The following TTC7A variants were observed in gnomAD, a reference collection of about 807,000 sequenced individuals.
TTC7A encodes tetratricopeptide repeat domain 7A, also known as tetratricopeptide repeat protein 7A.
TTC7A carries 110 observed loss-of-function variants against 103.7 expected under a neutral mutation model. The ratio of observed to expected loss-of-function variants is 1.06; its 90% confidence interval spans 0.91 to 1.24. The LOEUF is 1.24. Ranked by LOEUF, TTC7A falls within the 50% of genes most tolerant of loss-of-function variation. The pLI is 0.00. For missense variants in TTC7A, 1,340 were observed against 1,116.3 expected (o/e 1.20, Z -2.86); for synonymous variants, 521 against 467.9 (o/e 1.11, Z -1.47).
At position 47,051,896 on chromosome 2, in the gene TTC7A, C is replaced by T; in HGVS notation, c.2152+16C>T. 2 of 1,598,624 alleles carry T rather than the reference C, an allele frequency of 1.3e-6. No individual in the cohort carries two copies. The highest frequency in any genetic ancestry group is 1.7e-6 in the Non-Finnish European group (2 of 1,172,048). The stretch of plus-strand genomic sequence containing the variant: ...CTGCAGGCTGGTGAGTGCCCTGGTC[C>T]CAGTGACACACACAGCCTGTCTGCA... On this transcript the variant is annotated intron_variant, in intron 18 of 19. Transcript: ENST00000319190.
intron 3 of TTC7A, among the ~76,000 whole-genome samples, chr2:46,972,140 T>G (rs1673420072): frequency 6.6e-6 from 1 of 152,140 alleles, no homozygotes; most frequent in South Asian, 2.1e-4. Context: ...ATGTCTTTTC[T>G]CTGCATGGAT....
At position 47,007,770 on chromosome 2, in the gene TTC7A, A is replaced by T. The variant is rs990651291; in HGVS notation, c.1287+1046A>T. Among the ~76,000 whole-genome samples the T allele has an allele frequency of 6.6e-6, 1 of 152,144 alleles. No homozygotes were observed. Among genetic ancestry groups the T allele is most frequent in the African/African-American group, 2.4e-5 (1 of 41,436 alleles). On this transcript the variant is annotated intron_variant, in intron 10 of 19. Coordinates refer to ENST00000319190, the MANE Select transcript of TTC7A (RefSeq NM_020458.4). The surrounding 1 kb of genome is among the most constrained non-coding windows in gnomAD (Gnocchi z 4.9). ...CCTTCCCTACCCCCATCTGCTGGGC[A>T]TGTGTCTTTCCAAACCTCTCTCCTC...
chr2:46,949,127 G>A (rs927373705), intron 1 of TTC7A, among the ~76,000 whole-genome samples: 4 of 152,178 alleles, frequency 2.6e-5, no homozygotes, highest in African/African-American at 7.2e-5. Flanking sequence ...CTGAACACCC[G>A]GCTCCCATGC....
chr2:47,059,846 C>T (rs964370730), intron 18 of TTC7A, among the ~76,000 whole-genome samples: 1 of 152,094 alleles, frequency 6.6e-6, no homozygotes, highest in Non-Finnish European at 1.5e-5. Flanking sequence ...AGTTTTTGCC[C>T]CTCTAAAGTG....
intron 11 of TTC7A, among the ~76,000 whole-genome samples, chr2:47,017,028 A>G (rs1558581806): frequency 1.3e-5 from 2 of 151,780 alleles, no homozygotes; most frequent in African/African-American, 2.4e-5. Context: ...GTGAAACCCC[A>G]TCTCTACTAA....
intron 5 of TTC7A, among the ~76,000 whole-genome samples, chr2:46,986,612 A>G (rs1675039167): frequency 6.6e-6 from 1 of 152,078 alleles, no homozygotes; most frequent in Non-Finnish European, 1.5e-5. Context: ...AGTAGAGCAG[A>G]GGTGCTGCAG....
At chr2:47,050,881 T>C (rs1397148603) in intron 17 of TTC7A, 2 of 152,222 alleles carry the variant, frequency 1.3e-5, no homozygotes, top group East Asian at 1.9e-4. Context: ...TCTCATAAAC[T>C]GAAGTCATCC....
At chr2:46,930,731 C>T (rs1412745711) in intron 2 of TTC7A, among the ~76,000 whole-genome samples, 1 of 152,030 alleles carries the variant, frequency 6.6e-6, no homozygotes, top group African/African-American at 2.4e-5. Flanking sequence ...AACTCCTGAC[C>T]TCAGGTGATC....
rs73929354 is a variant in TTC7A at position 47,023,306 on chromosome 2, G to A, written c.1511-102G>A. Reference sequence around the variant, plus strand: ...AAGTTTGCCAGATGGGACCCTGGTGGGGCCTTTATCTGCAGAGCTGTGTGC... The same window carrying A: ...AAGTTTGCCAGATGGGACCCTGGTGAGGCCTTTATCTGCAGAGCTGTGTGC... On this transcript the variant is annotated intron_variant, in intron 12 of 19. Coordinates refer to ENST00000319190, the MANE Select transcript of TTC7A (RefSeq NM_020458.4). 3,127 of 1,250,572 alleles carry A rather than the reference G, an allele frequency of 2.5e-3. 66 individuals carry two copies. The African/African-American group carries it at 0.041, about 17-fold the overall frequency. 77.5% of individuals were successfully genotyped at this position (1,250,572 alleles called of 1,614,324 possible). A position where few individuals can be genotyped will look rare whatever the true frequency, so the allele number is the denominator to read the frequency against.
rs372015423 is a variant in TTC7A at position 47,021,137 on chromosome 2, C to G, written c.1393-725C>G. ...CAATGACATGAACTTGGGCACACTACCACACCAGGCATGCCATTTCCTGGG... is the reference window on the plus strand; with the variant it reads ...CAATGACATGAACTTGGGCACACTAGCACACCAGGCATGCCATTTCCTGGG... On this transcript the variant is annotated intron_variant, in intron 11 of 19. Transcript: ENST00000319190. Among the ~76,000 whole-genome samples, 6 of 152,334 alleles carry G rather than the reference C, an allele frequency of 3.9e-5. No individual in the cohort carries two copies. The South Asian group carries it at 6.2e-4, about 16-fold the overall frequency.
chr2:47,039,549 A>G (rs575406305), intron 15 of TTC7A, among the ~76,000 whole-genome samples: 8 of 152,346 alleles, frequency 5.3e-5, no homozygotes, highest in African/African-American at 1.7e-4. Flanking sequence ...TCTACAAGAT[A>G]ACTATTTTTT....
intron 2 of TTC7A, 73 bp downstream of exon 2, chr2:46,950,599 T>A: frequency 6.6e-7 from 1 of 1,504,066 alleles, no homozygotes; most frequent in South Asian, 1.2e-5. Context: ...CAGTCCTCCC[T>A]GAGTCATTTG....
intron 12 of TTC7A, among the ~76,000 whole-genome samples, chr2:47,023,031 C>T (rs1005349494): frequency 2.6e-5 from 4 of 152,198 alleles, no homozygotes; most frequent in Non-Finnish European, 4.4e-5. Flanking sequence ...AGAAAGGTGC[C>T]TGGTTTGGGT....
rs1684979827 is a variant in TTC7A, at chr2:47,073,766, A to G, written c.2420A>G (p.Glu807Gly). ...LAQKVLRDAVERQSTCHEAWQ... is the reference protein window; with the variant it reads ...LAQKVLRDAVGRQSTCHEAWQ... ...CAGAAGGTGCTTCGTGATGCCGTGG[A>G]GAGGCAGAGTACGTGCCACGAGGCG... The change falls in exon 20 of 20, where the codon GAG becomes GGG. Residue 807 changes from glutamate (E) to glycine (G), a missense_variant. Coordinates refer to ENST00000319190, the MANE Select transcript of TTC7A (RefSeq NM_020458.4). 2 of 1,613,640 alleles carry G rather than the reference A, an allele frequency of 1.2e-6. No individual in the cohort carries two copies. Among genetic ancestry groups the G allele is most frequent in the South Asian group, 2.2e-5 (2 of 91,088 alleles).
intron 8 of TTC7A, among the ~76,000 whole-genome samples, chr2:47,003,900 C>G (rs1284727371): frequency 1.3e-5 from 2 of 152,204 alleles, no homozygotes; most frequent in Non-Finnish European, 2.9e-5. Context: ...GTCAGTACAT[C>G]GCCGGGGACA....
At chr2:46,959,786 G>A (rs2104050819) in intron 3 of TTC7A, among the ~76,000 whole-genome samples, 1 of 152,280 alleles carries the variant, frequency 6.6e-6, no homozygotes, top group East Asian at 1.9e-4. Context: ...CATCAACCCG[G>A]GAGCCTGAGT....
At chr2:46,928,606 C>T (rs1026556615) in intron 2 of TTC7A, among the ~76,000 whole-genome samples, 5 of 151,646 alleles carry the variant, frequency 3.3e-5, no homozygotes, top group East Asian at 3.9e-4. Context: ...CCTGTCTCTA[C>T]GAAAAATATA....
intron 11 of TTC7A, among the ~76,000 whole-genome samples, chr2:47,016,304 G>T (rs1357355010): frequency 1.3e-5 from 2 of 152,244 alleles, no homozygotes; most frequent in African/African-American, 4.8e-5. Flanking sequence ...ACCCTCCAGA[G>T]GGTAGCTGTG....
At chr2:47,029,752 G>C (rs573726283) in intron 15 of TTC7A, among the ~76,000 whole-genome samples, 1 of 152,330 alleles carries the variant, frequency 6.6e-6, no homozygotes, top group East Asian at 1.9e-4. Flanking sequence ...TCATAGCCCT[G>C]ACACAGTCAG....
Sources: gnomAD v4.1 joint callset for allele counts (sites outside exome capture counted in the v4.1 genomes callset) on GRCh38, gnomAD v4.1.1 for gene constraint, Gnocchi (gnomAD v3.1) non-coding constraint, MANE v1.5 for transcripts, NCBI Gene and HGNC (gene_info 2026-07-23, HGNC 2026-07-21) for gene names.